PATE1: variants seen among roughly 807,000 people sequenced by gnomAD.
PATE1 encodes the protein prostate and testis expressed 1.
Under a neutral mutation model 13.1 loss-of-function variants are expected in PATE1, and 21 were observed. That is an observed-to-expected ratio of 1.61 (90% CI 1.14 to 2.31). The LOEUF (loss-of-function observed/expected upper bound fraction) is 2.31, where lower values mean the gene tolerates loss of function less well. Ranked by LOEUF, PATE1 falls within the 30% of genes most tolerant of loss-of-function variation. PATE1 has a pLI of 0.00. For synonymous variants in PATE1, 52 were observed against 47.1 expected (o/e 1.10, Z -0.43); for missense variants, 166 against 147.2 (o/e 1.13, Z -0.66).
chr11:125,746,708 T>C lies in PATE1; in HGVS notation c.88+12T>C, dbSNP rs1168295495. On this transcript the variant is annotated intron_variant, in intron 2 of 4. Coordinates refer to ENST00000305738, the MANE Select transcript of PATE1 (RefSeq NM_138294.3). ...GAGAAATGATGCAGGTGAGTAGGAA[T>C]AGATAAGTGGTATGAGAAGGGGAAG... 6.2e-7 allele frequency: 1 copy of C among 1,612,740 alleles called. No individual in the cohort carries two copies. Among genetic ancestry groups the C allele is most frequent in the East Asian group, 2.2e-5 (1 of 44,850 alleles).
At chr11:125,748,559 C>T (rs765445100) in intron 4 of PATE1, 41 bp from the exon 5 acceptor site, 1 of 1,597,562 alleles carries the variant, frequency 6.3e-7, no homozygotes, top group Non-Finnish European at 8.5e-7. Flanking sequence ...GCAGAACTTT[C>T]ATGGCCAGGC....
rs2114084 is a variant in PATE1, at chr11:125,747,715, A to G, written c.140A>G (p.Gln47Arg). The change falls in exon 4 of 5, where the codon CAG (glutamine) becomes CGG (arginine). Residue 47 changes from glutamine to arginine, a missense_variant. Coordinates refer to ENST00000305738, the MANE Select transcript of PATE1 (RefSeq NM_138294.3). The stretch of plus-strand genomic sequence containing the variant: ...TCTGGCCAAGTGATAGAAATTGTTC[A>G]GTGTAGGATGTGCCACCTCCAGTTC... ...KNNFPVIEIV[Q>R]CRMCHLQFPG... The G allele has an allele frequency of 0.29, 464,134 of 1,613,174 alleles. 68,231 individuals are homozygous for G. The highest frequency in any genetic ancestry group is 0.4 in the East Asian group (18,141 of 44,848).
chr11:125,747,937 G>C, intron 4 of PATE1, 115 bp downstream of exon 4: 1 of 1,447,168 alleles, frequency 6.9e-7, no homozygotes, highest in Non-Finnish European at 9.4e-7. Flanking sequence ...TCTCATACCT[G>C]GGATGGCTGA....
chr11:125,747,997 A>T, intron 4 of PATE1, 175 bp downstream of exon 4: 1 of 969,300 alleles, frequency 1.0e-6, no homozygotes, highest in East Asian at 2.7e-5. Context: ...GGAGGTGGTC[A>T]CTAAGGAGGG....
At chr11:125,746,464 T>A (rs1001414957) in intron 1 of PATE1, 108 bp downstream of exon 1, 1 of 1,367,428 alleles carries the variant, frequency 7.3e-7, no homozygotes, top group Non-Finnish European at 1.0e-6. Flanking sequence ...TGAAGCATGA[T>A]GAGCTTCTGT....
rs751378668 is a variant in PATE1 at position 125,747,800 on chromosome 11, C to A, written c.225C>A (p.Cys75Ter). 6.2e-6 allele frequency: 10 copies of A among 1,613,642 alleles called. No individual in the cohort carries two copies. Among genetic ancestry groups the A allele is most frequent in the Non-Finnish European group, 7.6e-6 (9 of 1,179,792 alleles). The change falls in exon 4 of 5, where the codon TGC becomes TGA. Residue 75 changes from cysteine (C) to a stop codon, truncating the protein, a stop_gained. Coordinates refer to ENST00000305738, the MANE Select transcript of PATE1 (RefSeq NM_138294.3). LOFTEE classifies it low-confidence loss of function (END_TRUNC). ...GCACAGCAACAACAGAAGAGGCCTGCATGGTTGGAAGGATGTTCAAAAGTA... is the reference window on the plus strand; with the variant it reads ...GCACAGCAACAACAGAAGAGGCCTGAATGGTTGGAAGGATGTTCAAAAGTA... ...GICTATTEEA[C>*]MVGRMFKRDG...
intron 1 of PATE1, 148 bp downstream of exon 1, chr11:125,746,504 G>GTCA: frequency 7.8e-7 from 1 of 1,278,732 alleles, no homozygotes; most frequent in Non-Finnish European, 1.1e-6. Flanking sequence ...CCAGGGGTAT[G>GTCA]TCATGTCCCC....
At chr11:125,748,210 A>C (rs1943291117) in intron 4 of PATE1, among the ~76,000 whole-genome samples, 1 of 152,214 alleles carries the variant, frequency 6.6e-6, no homozygotes, top group South Asian at 2.1e-4. Context: ...GGCCAGTGTC[A>C]TCAGTAGACT....
rs149639744 is a variant in PATE1 at position 125,747,771 on chromosome 11, A to T, written c.196A>T (p.Ile66Leu). Residue 66 changes from isoleucine to leucine, a missense_variant, in exon 4 of 5, where the codon ATA becomes TTA. Ile to Leu is a conservative substitution (Grantham distance 5). Transcript: ENST00000305738. ...AGAAAAGTGCTCCAGAGGAAGAGGA[A>T]TATGCACAGCAACAACAGAAGAGGC... ...PGEKCSRGRGICTATTEEACM... is the reference protein window; with the variant it reads ...PGEKCSRGRGLCTATTEEACM... 2 of 1,613,998 alleles carry T rather than the reference A, an allele frequency of 1.2e-6. No individual in the cohort carries two copies. The highest frequency in any genetic ancestry group is 1.7e-6 in the Non-Finnish European group (2 of 1,179,870).
At chr11:125,747,968 G>A in intron 4 of PATE1, 146 bp downstream of exon 4, 1 of 1,251,634 alleles carries the variant, frequency 8.0e-7, no homozygotes. Flanking sequence ...CCCATCATAT[G>A]CCGTAATGAA....
rs496459 is a variant in PATE1 at position 125,747,422 on chromosome 11, A to G, written c.124+11A>G. On this transcript the variant is annotated intron_variant, in intron 3 of 4. Coordinates refer to ENST00000305738, the MANE Select transcript of PATE1 (RefSeq NM_138294.3). ...AAAACAATTTTCCTGGTAAGTATGA[A>G]GAGGACCTGTCTGATCACCTCAGTC... 0.35 allele frequency: 563,970 copies of G among 1,606,392 alleles called. 100,215 individuals carry two copies. The highest frequency in any genetic ancestry group is 0.4 in the South Asian group (36,539 of 90,892).
At chr11:125,748,074 G>C (rs1159168601) in intron 4 of PATE1, 6 of 492,964 alleles carry the variant, frequency 1.2e-5, no homozygotes, top group Non-Finnish European at 2.2e-5. Context: ...AATAAATCAA[G>C]GTAAGAGAAT....
rs773995351 is a variant in PATE1 at position 125,747,788 on chromosome 11, A to G, written c.213A>G (p.Thr71=). The G allele has an allele frequency of 4.3e-6, 7 of 1,613,974 alleles. No homozygotes were observed. The change falls in exon 4 of 5, where the codon ACA becomes ACG. Residue 71 remains threonine, a synonymous_variant. Transcript: ENST00000305738. Reference sequence around the variant, plus strand: ...GAAGAGGAATATGCACAGCAACAACAGAAGAGGCCTGCATGGTTGGAAGGA... The same window carrying G: ...GAAGAGGAATATGCACAGCAACAACGGAAGAGGCCTGCATGGTTGGAAGGA... ...SRGRGICTAT[T]EEACMVGRMF...
intron 4 of PATE1, chr11:125,748,079 G>A (rs998648672): frequency 6.3e-6 from 3 of 479,190 alleles, no homozygotes; most frequent in Middle Eastern, 5.8e-4. Context: ...ATCAAGGTAA[G>A]AGAATAGGTG....
At chr11:125,748,085 A>G in intron 4 of PATE1, 1 of 463,554 alleles carries the variant, frequency 2.2e-6, no homozygotes. Flanking sequence ...GTAAGAGAAT[A>G]GGTGTAATCT....
intron 2 of PATE1, 83 bp downstream of exon 2, chr11:125,746,779 CA>C (rs542004469): frequency 1.6e-4 from 219 of 1,362,686 alleles, no homozygotes; most frequent in Admixed American, 3.6e-4. Context: ...CACCAGGGGC[CA>C]AAAAAAACCA....
chr11:125,746,661 C>A lies in PATE1; in HGVS notation c.53C>A (p.Ala18Glu), dbSNP rs1160874439. 2 of 1,613,192 alleles carry A rather than the reference C, an allele frequency of 1.2e-6. No individual in the cohort carries two copies. Among genetic ancestry groups the A allele is most frequent in the South Asian group, 1.1e-5 (1 of 91,028 alleles). Reference sequence around the variant, plus strand: ...GTGTATCTCTTTTTTTTTCCAACAGCATTATCTGGATCACTTTCAATGAGA... The same window carrying A: ...GTGTATCTCTTTTTTTTTCCAACAGAATTATCTGGATCACTTTCAATGAGA... ...ELPILLCCFR[A>E]LSGSLSMRND... is the part of the protein sequence containing the mutation. Residue 18 changes from alanine to glutamate, a missense_variant and splice_region_variant, in exon 2 of 5, where the codon GCA (alanine) becomes GAA (glutamate). Ala to Glu is a moderately radical substitution (Grantham distance 107). Transcript: ENST00000305738.
rs754753653 is a variant in PATE1 at position 125,748,752 on chromosome 11, T to C, written c.*19T>C. ...CCTTTAGAAGTTAATGGTTCTTCTG[T>C]GACTCCAATTTCTGGGTGAGGTTGT... On this transcript the variant is annotated 3_prime_UTR_variant, in exon 5 of 5. Transcript: ENST00000305738. 8 of 1,607,852 alleles carry C rather than the reference T, an allele frequency of 5.0e-6. No homozygotes were observed. Among genetic ancestry groups the C allele is most frequent in the Non-Finnish European group, 6.8e-6 (8 of 1,177,800 alleles).
chr11:125,747,480 C>T, intron 3 of PATE1, 69 bp downstream of exon 3: 1 of 1,373,162 alleles, frequency 7.3e-7, no homozygotes. Context: ...TATTCCTCCA[C>T]CTTTCTTTCC....
Sources: gnomAD v4.1 joint callset for allele counts (sites outside exome capture counted in the v4.1 genomes callset) on GRCh38, gnomAD v4.1.1 for gene constraint, MANE v1.5 for transcripts, NCBI Gene and HGNC (gene_info 2026-07-23, HGNC 2026-07-21) for gene names.